TCERG1L: variants seen among roughly 807,000 people sequenced by gnomAD.
TCERG1L encodes the protein transcription elongation regulator 1 like, also known as transcription elongation regulator 1-like protein.
TCERG1L carries 37 observed loss-of-function variants against 56.3 expected under a neutral mutation model. The observed-to-expected ratio is 0.66, with a 90% confidence interval of 0.51 to 0.87. The LOEUF is 0.87. TCERG1L is among the 40% of genes least tolerant of loss of function. The pLI is 0.00. For missense variants in TCERG1L, 799 were observed against 774.2 expected, an observed-to-expected ratio of 1.03 and a Z score of -0.38; for synonymous variants, 324 against 326.3, an observed-to-expected ratio of 0.99 and a Z score of 0.08.
At chr10:131,157,455 T>C (rs760973950) in intron 6 of TCERG1L, among the ~76,000 whole-genome samples, 12 of 152,210 alleles carry the variant, frequency 7.9e-5, no homozygotes, top group Admixed American at 5.2e-4. Flanking sequence ...CCAAAAGCTA[T>C]GGATTTTACA....
intron 4 of TCERG1L, among the ~76,000 whole-genome samples, chr10:131,247,981 C>T (rs375782978): frequency 6.8e-4 from 101 of 149,330 alleles, no homozygotes; most frequent in African/African-American, 2.3e-3. Context: ...CACATACCCA[C>T]ATGACTCAGG....
At chr10:131,225,206 G>A (rs1016833564) in intron 4 of TCERG1L, among the ~76,000 whole-genome samples, 2 of 152,184 alleles carry the variant, frequency 1.3e-5, no homozygotes, top group African/African-American at 4.8e-5. Flanking sequence ...ATTAAGCAGA[G>A]AGCAAAAATG....
intron 4 of TCERG1L, among the ~76,000 whole-genome samples, chr10:131,189,971 C>G (rs1400772149): frequency 2.0e-5 from 3 of 151,726 alleles, no homozygotes; most frequent in Non-Finnish European, 2.9e-5. Context: ...TACAAAAGAC[C>G]AATGAAACAA....
chr10:131,115,505 G>A (rs11017732), intron 9 of TCERG1L, among the ~76,000 whole-genome samples: 74 of 45,804 alleles, frequency 1.6e-3, no homozygotes, highest in Non-Finnish European at 3.5e-3. Flanking sequence ...CGCCAGGGCC[G>A]GATCCACACG....
intron 4 of TCERG1L, among the ~76,000 whole-genome samples, chr10:131,232,893 T>C (rs769348526): frequency 4.6e-5 from 7 of 152,246 alleles, no homozygotes; most frequent in Non-Finnish European, 1.0e-4. Flanking sequence ...CAGCATTCTG[T>C]TATCCCACAG....
At chr10:131,187,208 G>A (rs915297937) in intron 4 of TCERG1L, among the ~76,000 whole-genome samples, 3 of 152,260 alleles carry the variant, frequency 2.0e-5, no homozygotes, top group African/African-American at 4.8e-5. Context: ...GCAGAGGCAC[G>A]TCGGTCAAAT....
intron 8 of TCERG1L, among the ~76,000 whole-genome samples, chr10:131,124,695 C>T (rs1845547266): frequency 1.3e-5 from 2 of 152,142 alleles, no homozygotes; most frequent in African/African-American, 4.8e-5. Flanking sequence ...CTGGCCTCTA[C>T]AAGCTCCACC....
intron 8 of TCERG1L, among the ~76,000 whole-genome samples, chr10:131,120,011 G>A (rs1174665577): frequency 6.6e-6 from 1 of 152,100 alleles, no homozygotes; most frequent in Admixed American, 6.5e-5. Context: ...CTGGGCGGGG[G>A]TCCCTCACGC....
chr10:131,146,381 C>T, intron 7 of TCERG1L, 125 bp downstream of exon 7: 2 of 1,110,734 alleles, frequency 1.8e-6, no homozygotes, highest in Non-Finnish European at 2.5e-6. Context: ...TGCAATCGGG[C>T]ACAGGATTCC....
At chr10:131,137,802 A>C (rs775717876) in intron 7 of TCERG1L, among the ~76,000 whole-genome samples, 2 of 152,232 alleles carry the variant, frequency 1.3e-5, no homozygotes, top group African/African-American at 2.4e-5. Context: ...GTATAAATTT[A>C]ACAGACTTAG....
At position 131,224,787 on chromosome 10, in the gene TCERG1L, A is replaced by T. The variant is rs576669947; in HGVS notation, c.856+35472T>A. On this transcript the variant is annotated intron_variant, in intron 4 of 11. Coordinates refer to ENST00000368642, the MANE Select transcript of TCERG1L (RefSeq NM_174937.4). Reference sequence around the variant, plus strand: ...TACTCTCCCAGATAAAACATGTGGGAAAACACTGACAATCTGTGGAAATGA... The same window carrying T: ...TACTCTCCCAGATAAAACATGTGGGTAAACACTGACAATCTGTGGAAATGA... Among the ~76,000 whole-genome samples, 85 of 141,592 alleles carry T rather than the reference A, an allele frequency of 6.0e-4. 1 individual carries two copies. The highest frequency in any genetic ancestry group is 2.8e-3 in the South Asian group (12 of 4,348). 92.9% of individuals were successfully genotyped at this position (141,592 alleles called of 152,430 possible).
chr10:131,149,030 C>T (rs890948309), intron 6 of TCERG1L, among the ~76,000 whole-genome samples: 3 of 152,068 alleles, frequency 2.0e-5, no homozygotes, highest in Non-Finnish European at 4.4e-5. Flanking sequence ...TTCTGCCTGG[C>T]AAACTTTCCA....
At chr10:131,216,914 C>A (rs547315962) in intron 4 of TCERG1L, among the ~76,000 whole-genome samples, 2 of 152,270 alleles carry the variant, frequency 1.3e-5, no homozygotes, top group East Asian at 3.9e-4. Flanking sequence ...CCCACTGAAA[C>A]CGAGGGTGGC....
intron 9 of TCERG1L, 141 bp downstream of exon 9, chr10:131,116,658 A>G (rs972253359): frequency 8.7e-7 from 1 of 1,152,420 alleles, no homozygotes; most frequent in African/African-American, 1.5e-5. Context: ...TAAGGAGGAC[A>G]CATCATCTCT....
At chr10:131,182,492 C>T (rs1377890787) in intron 4 of TCERG1L, among the ~76,000 whole-genome samples, 1 of 152,244 alleles carries the variant, frequency 6.6e-6, no homozygotes, top group East Asian at 1.9e-4. Flanking sequence ...TCTGACCCAT[C>T]TGCATGATTT....
chr10:131,124,225 C>T (rs1845542386), intron 8 of TCERG1L, among the ~76,000 whole-genome samples: 1 of 152,148 alleles, frequency 6.6e-6, no homozygotes, highest in Admixed American at 6.5e-5. Flanking sequence ...GGACCCGCTG[C>T]CAGGCTCCTG....
At position 131,163,187 on chromosome 10, in the gene TCERG1L, T is replaced by TC. The variant is rs1433055872; in HGVS notation, c.968dup (p.Gly324ArgfsTer30). 3 of 1,560,314 alleles carry TC rather than the reference T, an allele frequency of 1.9e-6. No homozygotes were observed. The highest frequency in any genetic ancestry group is 1.4e-5 in the African/African-American group (1 of 73,510). On this transcript the variant is annotated frameshift_variant, in exon 6 of 12. Transcript: ENST00000368642. LOFTEE classifies it high-confidence loss of function. Reference sequence around the variant, plus strand: ...TGCCTCTGGCTGTGCTGTCCTCTCCTCCCCCCAGCATCGGTGGAGGCTCCT... The same window carrying TC: ...TGCCTCTGGCTGTGCTGTCCTCTCCTCCCCCCCAGCATCGGTGGAGGCTCCT...
rs913358266 is a variant in TCERG1L at position 131,163,110 on chromosome 10, G to C, written c.1034+12C>G. ...CCATTGCTAGTGGCTCTCAGGCTTT[G>C]GGGTGTCTTACCAGGGGGATCCGGG... On this transcript the variant is annotated intron_variant, in intron 6 of 11. Coordinates refer to ENST00000368642, the MANE Select transcript of TCERG1L (RefSeq NM_174937.4). 5.1e-6 allele frequency: 8 copies of C among 1,555,284 alleles called. No homozygotes were observed. Among genetic ancestry groups the C allele is most frequent in the Admixed American group, 2.0e-5 (1 of 49,558 alleles).
rs74619751 is a variant in TCERG1L, at chr10:131,225,701, C to A, written c.856+34558G>T. On this transcript the variant is annotated intron_variant, in intron 4 of 11. Coordinates refer to ENST00000368642, the MANE Select transcript of TCERG1L (RefSeq NM_174937.4). ...GAACGCAGAATGAGAAGGCTCTCCA[C>A]GTCAAGGCACAGCCTGCACCTGGCA... Among the ~76,000 whole-genome samples, 1,271 of 152,238 alleles carry A rather than the reference C, an allele frequency of 8.3e-3. 25 individuals are homozygous for A. The highest frequency in any genetic ancestry group is 0.076 in the East Asian group (390 of 5,144).
Sources: allele counts gnomAD v4.1 joint callset (sites outside exome capture counted in the v4.1 genomes callset), GRCh38; gene constraint gnomAD v4.1.1; transcripts MANE v1.5; gene names NCBI Gene and HGNC (gene_info 2026-07-23, HGNC 2026-07-21).